NRXN1: variants seen among roughly 807,000 people sequenced by gnomAD.
NRXN1 encodes the protein neurexin 1, also known as neurexin-1.
In NRXN1, 39 loss-of-function variants were observed where a neutral mutation model predicts 150.9. That is an observed-to-expected ratio of 0.26 (90% CI 0.20 to 0.34). NRXN1 has a LOEUF of 0.34. NRXN1 is among the 10% of genes least tolerant of loss of function. The pLI is 1.00. For missense variants in NRXN1, 1,815 were observed against 1,949.9 expected (o/e 0.93, Z 1.30); for synonymous variants, 924 against 757.0 (o/e 1.22, Z -3.62).
At chr2:50,418,550 C>G (rs535511188) in intron 17 of NRXN1, among the ~76,000 whole-genome samples, 5 of 152,044 alleles carry the variant, frequency 3.3e-5, no homozygotes, top group African/African-American at 1.2e-4. Context: ...TCAGAAAGCC[C>G]AGTACATTTT....
At chr2:50,330,656 T>G (rs2076782092) in intron 17 of NRXN1, among the ~76,000 whole-genome samples, 1 of 152,144 alleles carries the variant, frequency 6.6e-6, no homozygotes, top group African/African-American at 2.4e-5. Flanking sequence ...CTGCTCTCAG[T>G]GCAAGAAAAT....
chr2:50,667,908 A>C (rs1688304064), intron 5 of NRXN1, among the ~76,000 whole-genome samples: 1 of 151,994 alleles, frequency 6.6e-6, no homozygotes, highest in Non-Finnish European at 1.5e-5. Context: ...ACATTTGTAT[A>C]ATGCTTTATG....
chr2:50,166,425 A>G (rs1320032542), intron 18 of NRXN1, among the ~76,000 whole-genome samples: 7 of 151,860 alleles, frequency 4.6e-5, no homozygotes, highest in Admixed American at 4.6e-4. Flanking sequence ...GCCTCACAGA[A>G]CTGAATACTG....
chr2:50,836,124 G>A (rs936224800), intron 5 of NRXN1, among the ~76,000 whole-genome samples: 18 of 152,186 alleles, frequency 1.2e-4, no homozygotes, highest in African/African-American at 3.6e-4. Context: ...AAAGAGGCAC[G>A]TTTCTGTCTT....
At chr2:49,975,063 C>T (rs1164858824) in intron 21 of NRXN1, among the ~76,000 whole-genome samples, 1 of 150,972 alleles carries the variant, frequency 6.6e-6, no homozygotes, top group Non-Finnish European at 1.5e-5. Flanking sequence ...TGTTTACACA[C>T]TTCTTCAATG....
intron 18 of NRXN1, among the ~76,000 whole-genome samples, chr2:50,113,742 G>T (rs1702673418): frequency 6.6e-6 from 1 of 152,190 alleles, no homozygotes; most frequent in African/African-American, 2.4e-5. Context: ...TTAAAAGGCT[G>T]TGAGTGAGGC....
intron 2 of NRXN1, among the ~76,000 whole-genome samples, chr2:50,990,698 T>C (rs1698415131): frequency 6.6e-6 from 1 of 151,836 alleles, no homozygotes; most frequent in Non-Finnish European, 1.5e-5. Context: ...TAAACAGGAG[T>C]ATGATTTTTG....
At chr2:50,629,860 A>T (rs895283006) in intron 5 of NRXN1, among the ~76,000 whole-genome samples, 3 of 151,574 alleles carry the variant, frequency 2.0e-5, no homozygotes, top group African/African-American at 2.4e-5. Flanking sequence ...AGATTTAAAA[A>T]ATATATATAT....
At chr2:50,172,342 A>G (rs2060080879) in intron 18 of NRXN1, among the ~76,000 whole-genome samples, 1 of 152,132 alleles carries the variant, frequency 6.6e-6, no homozygotes, top group South Asian at 2.1e-4. Context: ...TAACTAATGA[A>G]CTGAGCCTAA....
chr2:50,550,534 C>T (rs1667286326), intron 9 of NRXN1, among the ~76,000 whole-genome samples: 1 of 147,176 alleles, frequency 6.8e-6, no homozygotes, highest in African/African-American at 2.7e-5. Context: ...CTTCAAAATT[C>T]TTCTGCTTGA....
At chr2:50,753,436 G>A (rs1242874163) in intron 5 of NRXN1, among the ~76,000 whole-genome samples, 2 of 151,718 alleles carry the variant, frequency 1.3e-5, no homozygotes, top group Admixed American at 1.3e-4. Context: ...CAACACAGAA[G>A]GAGAAAAGAA....
intron 2 of NRXN1, chr2:50,963,833 T>C (rs1452489872): frequency 3.4e-6 from 1 of 297,076 alleles, no homozygotes; most frequent in Admixed American, 4.0e-5. Flanking sequence ...ATTGAATAAC[T>C]TAGAAAGTGC....
At chr2:50,397,112 T>C (rs1435897225) in intron 17 of NRXN1, among the ~76,000 whole-genome samples, 1 of 152,112 alleles carries the variant, frequency 6.6e-6, no homozygotes, top group Non-Finnish European at 1.5e-5. Flanking sequence ...GTTCTGGCTC[T>C]CTGGTATCAG....
intron 17 of NRXN1, among the ~76,000 whole-genome samples, chr2:50,332,698 T>C (rs559450308): frequency 6.6e-6 from 1 of 152,230 alleles, no homozygotes; most frequent in Non-Finnish European, 1.5e-5. Flanking sequence ...AATTGCTCTT[T>C]AATAATTCCC....
At chr2:50,770,264 T>C (rs868508640) in intron 5 of NRXN1, among the ~76,000 whole-genome samples, 1 of 152,124 alleles carries the variant, frequency 6.6e-6, no homozygotes, top group Admixed American at 6.6e-5. Flanking sequence ...GAAATTTTTA[T>C]AGCTAAATGA....
intron 5 of NRXN1, among the ~76,000 whole-genome samples, chr2:50,881,666 G>A (rs141358687): frequency 1.2e-3 from 189 of 151,936 alleles, no homozygotes; most frequent in African/African-American, 4.3e-3. Flanking sequence ...GGAATCAGGG[G>A]CTGGACCCTG....
intron 18 of NRXN1, among the ~76,000 whole-genome samples, chr2:50,182,007 TC>T (rs1358208115): frequency 4.6e-5 from 7 of 151,836 alleles, no homozygotes; most frequent in South Asian, 2.1e-4. Context: ...GGTTTCCATA[TC>T]TTTTTTGGTA....
intron 5 of NRXN1, among the ~76,000 whole-genome samples, chr2:50,639,222 CTTTT>C (rs34380621): frequency 1.5e-5 from 2 of 137,360 alleles, no homozygotes; most frequent in Non-Finnish European, 3.1e-5. Flanking sequence ...TTCTTTCTTT[CTTTT>C]TTTTTTTTTT....
intron 17 of NRXN1, among the ~76,000 whole-genome samples, chr2:50,259,004 A>G (rs535531728): frequency 1.2e-3 from 180 of 152,114 alleles, no homozygotes; most frequent in African/African-American, 4.1e-3. Context: ...TATAGAGCAC[A>G]GGCAAAGCAC....
Sources: gnomAD v4.1 joint callset for allele counts (sites outside exome capture counted in the v4.1 genomes callset) on GRCh38, gnomAD v4.1.1 for gene constraint, MANE v1.5 for transcripts, NCBI Gene and HGNC (gene_info 2026-07-23, HGNC 2026-07-21) for gene names.